The following ITGA4 variants were observed in gnomAD, a reference collection of about 807,000 sequenced individuals.
ITGA4 encodes integrin subunit alpha 4.
A neutral mutation model predicts 133.6 loss-of-function variants in ITGA4; 63 were observed. The observed-to-expected ratio is 0.47, with a 90% confidence interval of 0.38 to 0.58. The LOEUF is 0.58. ITGA4 is among the 20% of genes least tolerant of loss of function. ITGA4 has a pLI of 0.00. For missense variants in ITGA4, 1,076 were observed against 1,252.7 expected, an observed-to-expected ratio of 0.86 and a Z score of 2.13; for synonymous variants, 483 against 438.0, an observed-to-expected ratio of 1.10 and a Z score of -1.28.
At chr2:181,491,821 G>A (rs1686054660) in intron 10 of ITGA4, among the ~76,000 whole-genome samples, 1 of 151,888 alleles carries the variant, frequency 6.6e-6, no homozygotes, top group Non-Finnish European at 1.5e-5. Context: ...TATATATTCT[G>A]CACAAATCTG....
chr2:181,534,362 G>A lies in ITGA4; in HGVS notation c.2875G>A (p.Val959Ile), dbSNP rs777530364. The A allele has an allele frequency of 6.4e-7, 1 of 1,571,638 alleles. No homozygotes were observed. Residue 959 changes from valine to isoleucine, a missense_variant, in exon 26 of 28, where the codon GTT becomes ATT. Around this residue, in one of 4 missense-constraint regions of ITGA4, gnomAD observed 193 missense variants for 172.3 expected, o/e 1.12. Transcript: ENST00000397033. Reference protein sequence around the residue: ...RVIELNKDENVAHVLLEGLHH... With the variant: ...RVIELNKDENIAHVLLEGLHH... ...AATTGAACTAAACAAGGATGAGAATGTTGCGCATGTAAGATTACCCTCTTA... is the reference window on the plus strand; with the variant it reads ...AATTGAACTAAACAAGGATGAGAATATTGCGCATGTAAGATTACCCTCTTA...
intron 17 of ITGA4, among the ~76,000 whole-genome samples, chr2:181,512,464 C>T (rs1686525100): frequency 6.6e-6 from 1 of 151,830 alleles, no homozygotes; most frequent in Admixed American, 6.6e-5. Context: ...TGTGAGATGG[C>T]CCAAGGGATA....
chr2:181,490,991 G>A (rs1038937613), intron 10 of ITGA4, among the ~76,000 whole-genome samples: 27 of 152,212 alleles, frequency 1.8e-4, no homozygotes, highest in African/African-American at 6.0e-4. Flanking sequence ...AACATTTATT[G>A]TATATATTTC....
chr2:181,497,036 T>C (rs1037048259), intron 14 of ITGA4, among the ~76,000 whole-genome samples: 1 of 152,228 alleles, frequency 6.6e-6, no homozygotes, highest in Non-Finnish European at 1.5e-5. Flanking sequence ...GGAAAAGTCA[T>C]GGCCAGAGCT....
chr2:181,535,503 C>G lies in ITGA4; in HGVS notation c.3075C>G (p.Ile1025Met), dbSNP rs1687048568. ...EENRRDSWSY[I>M]NSKSNDD ...ACAGAAGAGACAGTTGGAGTTATAT[C>G]AACAGTAAAAGCAATGATGATTAAG... Residue 1025 changes from isoleucine to methionine, a missense_variant, in exon 28 of 28, where the codon ATC becomes ATG. By Grantham distance (10) the Ile-to-Met change is conservative. Coordinates refer to ENST00000397033, the MANE Select transcript of ITGA4 (RefSeq NM_000885.6). 1 of 1,609,018 alleles carries G rather than the reference C, an allele frequency of 6.2e-7. No homozygotes were observed. The highest frequency in any genetic ancestry group is 8.5e-7 in the Non-Finnish European group (1 of 1,177,264).
chr2:181,463,225 T>G (rs537766408), intron 2 of ITGA4, among the ~76,000 whole-genome samples: 2 of 152,096 alleles, frequency 1.3e-5, no homozygotes, highest in South Asian at 4.2e-4. Flanking sequence ...CACTATGGAG[T>G]GTGAGCTAAA....
intron 10 of ITGA4, among the ~76,000 whole-genome samples, chr2:181,487,225 C>A (rs1216280185): frequency 6.6e-6 from 1 of 152,072 alleles, no homozygotes. Context: ...ACTAGCTTCC[C>A]CCTACTTCCC....
At position 181,537,274 on chromosome 2, in the gene ITGA4, AC is replaced by A; in HGVS notation, c.*1748del. On this transcript the variant is annotated 3_prime_UTR_variant, in exon 28 of 28. Transcript: ENST00000397033. ...ATTTGGTTCTTTCCTACTCAGAACTACTCAGAAACAACTATATATTTCAGGT... is the reference window on the plus strand; with the variant it reads ...ATTTGGTTCTTTCCTACTCAGAACTATCAGAAACAACTATATATTTCAGGT... 2.2e-6 allele frequency: 1 copy of A among 453,646 alleles called. No individual in the cohort carries two copies. Among genetic ancestry groups the A allele is most frequent in the African/African-American group, 2.0e-5 (1 of 50,072 alleles). 28.1% of individuals were successfully genotyped at this position (453,646 alleles called of 1,614,324 possible).
chr2:181,504,393 T>C (rs962704671), intron 15 of ITGA4, among the ~76,000 whole-genome samples: 1 of 152,118 alleles, frequency 6.6e-6, no homozygotes, highest in Non-Finnish European at 1.5e-5. Flanking sequence ...CAGGAAAACG[T>C]GTATTTGATT....
intron 10 of ITGA4, among the ~76,000 whole-genome samples, chr2:181,488,686 G>A (rs1685975998): frequency 6.6e-6 from 1 of 151,948 alleles, no homozygotes; most frequent in African/African-American, 2.4e-5. Context: ...AGCCTCCCGA[G>A]TAGCTGGGAC....
In ITGA4 at chr2:181,457,467, G is replaced by T. The variant is rs1287422593; in HGVS notation, c.-188G>T. The T allele has an allele frequency of 1.7e-6, 1 of 575,968 alleles. No homozygotes were observed. The highest frequency in any genetic ancestry group is 3.0e-6 in the Non-Finnish European group (1 of 334,136). The allele number at this position is 575,968 out of a possible 1,614,324, so 35.7% of individuals were successfully genotyped here. On this transcript the variant is annotated 5_prime_UTR_variant, in exon 1 of 28. Coordinates refer to ENST00000397033, the MANE Select transcript of ITGA4 (RefSeq NM_000885.6). The stretch of plus-strand genomic sequence containing the variant: ...GGGCGAGTGCGCGGCATCCCAGGCC[G>T]GCCCGAACGCTCCGCCCGCGGTGGG...
chr2:181,508,891 C>G (rs551886006), intron 15 of ITGA4, among the ~76,000 whole-genome samples: 141 of 151,520 alleles, frequency 9.3e-4, no homozygotes, highest in African/African-American at 3.1e-3. Context: ...ACCTGTAATC[C>G]CAGCTCTTTG....
intron 15 of ITGA4, among the ~76,000 whole-genome samples, chr2:181,503,353 AT>A (rs1686322370): frequency 6.6e-6 from 1 of 152,016 alleles, no homozygotes; most frequent in African/African-American, 2.4e-5. Context: ...CTAGAGGTGC[AT>A]TTTTAATAGT....
chr2:181,468,217 G>C (rs1685466622), intron 2 of ITGA4, among the ~76,000 whole-genome samples: 1 of 152,116 alleles, frequency 6.6e-6, no homozygotes, highest in African/African-American at 2.4e-5. Flanking sequence ...CCTTTGTAAA[G>C]ATCTTCAAAC....
In ITGA4 at chr2:181,538,157, T is replaced by A. The variant is rs1355099052; in HGVS notation, c.*2630T>A. The A allele has an allele frequency of 1.4e-6, 2 of 1,439,654 alleles. No individual in the cohort carries two copies. Among genetic ancestry groups the A allele is most frequent in the Admixed American group, 3.4e-5 (2 of 59,444 alleles). The allele number at this position is 1,439,654 out of a possible 1,614,324, so 89.2% of individuals were successfully genotyped here. A position where few individuals can be genotyped will look rare whatever the true frequency, so the allele number is the denominator to read the frequency against. ...TTCTTTATATTAAAATTCTAGTTTG[T>A]ACATTTCTTTTAGAAACAATTACAT... On this transcript the variant is annotated 3_prime_UTR_variant, in exon 28 of 28. Transcript: ENST00000397033.
chr2:181,468,441 A>G (rs1043716285), intron 2 of ITGA4, among the ~76,000 whole-genome samples: 6 of 152,164 alleles, frequency 3.9e-5, no homozygotes, highest in Non-Finnish European at 5.9e-5. Context: ...TCCCTCATAC[A>G]TACTGAGTTC....
chr2:181,511,813 A>AGAGG lies in ITGA4; in HGVS notation c.1922+40_1922+43dup. Reference sequence around the variant, plus strand: ...GGTATATAGTCTCTGTTATTCATCGAGAGGGTGTAATGAGTGTGTGCATTT... The same window carrying AGAGG: ...GGTATATAGTCTCTGTTATTCATCGAGAGGGAGGGTGTAATGAGTGTGTGCATTT... On this transcript the variant is annotated intron_variant, in intron 17 of 27. Coordinates refer to ENST00000397033, the MANE Select transcript of ITGA4 (RefSeq NM_000885.6). 3 of 986,016 alleles carry AGAGG rather than the reference A, an allele frequency of 3.0e-6. No individual in the cohort carries two copies. The Admixed American group carries it at 5.3e-5, about 18-fold the overall frequency. 61.1% of individuals were successfully genotyped at this position (986,016 alleles called of 1,614,324 possible).
At chr2:181,466,382 C>T (rs1488326597) in intron 2 of ITGA4, among the ~76,000 whole-genome samples, 4 of 151,932 alleles carry the variant, frequency 2.6e-5, no homozygotes, top group Non-Finnish European at 2.9e-5. Context: ...GATTATTGGC[C>T]ATTGTGAGAT....
At chr2:181,522,536 C>T (rs761438798) in intron 18 of ITGA4, among the ~76,000 whole-genome samples, 195 bp downstream of exon 18, 34 of 152,152 alleles carry the variant, frequency 2.2e-4, no homozygotes, top group South Asian at 6.2e-4. Flanking sequence ...GCATCAGCCT[C>T]CTGTTTTCCA....
Sources: allele counts gnomAD v4.1 joint callset (sites outside exome capture counted in the v4.1 genomes callset), GRCh38; gene constraint gnomAD v4.1.1; regional missense constraint gnomAD v4.1.1; transcripts MANE v1.5; gene names NCBI Gene and HGNC (gene_info 2026-07-23, HGNC 2026-07-21).